Variants in COLEC10 observed in about 807,000 individuals in gnomAD.
COLEC10 encodes the protein collectin-10.
A neutral mutation model predicts 28.4 loss-of-function variants in COLEC10; 22 were observed. The observed-to-expected ratio is 0.78, with a 90% CI of 0.55 to 1.11. COLEC10 has a LOEUF of 1.11. Ranked by LOEUF, COLEC10 falls within the 50% of genes least tolerant of loss-of-function variation. COLEC10 has a pLI of 0.00. For missense variants in COLEC10, 361 were observed against 344.1 expected (o/e 1.05, Z -0.39); for synonymous variants, 125 against 116.1 (o/e 1.08, Z -0.49).
chr8:118,985,282 G>A, the COLEC10 span, among the ~76,000 whole-genome samples: 1 of 151,986 alleles, frequency 6.6e-6, no homozygotes. Flanking sequence ...AAGAATTCAG[G>A]TCCTCCTTAA....
chr8:118,973,694 A>G, the COLEC10 span, among the ~76,000 whole-genome samples: 1 of 151,980 alleles, frequency 6.6e-6, no homozygotes, highest in African/African-American at 2.4e-5. Flanking sequence ...AAGGCATTAA[A>G]CAAGAGCATG....
chr8:119,050,793 G>A (rs1441387770), intron 2 of COLEC10, among the ~76,000 whole-genome samples: 1 of 152,192 alleles, frequency 6.6e-6, no homozygotes, highest in African/African-American at 2.4e-5. Flanking sequence ...TTTATAGAAT[G>A]GGCCTGAGGA....
chr8:119,106,027 G>C lies in COLEC10; in HGVS notation c.670G>C (p.Asp224His). The stretch of plus-strand genomic sequence containing the variant: ...AAGGGAGGGACAGTACATGTTCACA[G>C]ACAACACTCCACTGCAGAACTATAG... ...LEREGQYMFTDNTPLQNYSNW... is the reference protein window; with the variant it reads ...LEREGQYMFTHNTPLQNYSNW... The change falls in exon 6 of 6, where the codon GAC becomes CAC. Residue 224 changes from aspartate to histidine, a missense_variant. This residue lies in a region of COLEC10 where 335 missense variants were observed against 308.5 expected (regional missense o/e 1.09). Coordinates refer to ENST00000332843, the MANE Select transcript of COLEC10 (RefSeq NM_006438.5). 2 of 1,613,866 alleles carry C rather than the reference G, an allele frequency of 1.2e-6. No individual in the cohort carries two copies. Among genetic ancestry groups the C allele is most frequent in the Non-Finnish European group, 1.7e-6 (2 of 1,179,888 alleles).
At chr8:119,036,379 A>G (rs1814389576) in intron 2 of COLEC10, among the ~76,000 whole-genome samples, 1 of 152,216 alleles carries the variant, frequency 6.6e-6, no homozygotes, top group Admixed American at 6.5e-5. Flanking sequence ...TCAGTTGTTT[A>G]GATGTGCCAT....
chr8:119,040,423 G>T (rs12056401), intron 2 of COLEC10, among the ~76,000 whole-genome samples: 9,275 of 152,142 alleles, frequency 0.061, 346 homozygotes, highest in East Asian at 0.16. Context: ...AAATTGAACT[G>T]TATTCTAAAC....
At chr8:119,079,913 A>C (rs1815336816) in intron 1 of COLEC10, among the ~76,000 whole-genome samples, 2 of 152,104 alleles carry the variant, frequency 1.3e-5, no homozygotes, top group African/African-American at 4.8e-5. Context: ...AGCACCCCAT[A>C]AATGTTAGTG....
chr8:119,048,446 C>T lies in COLEC10; in HGVS notation n.235+38893C>T, dbSNP rs559109995. ...TCTAACATTGTCAGTGGGACATTGA[C>T]GCCTCCCACTGTTATTGTGTGGTTG... On this transcript the variant is annotated intron_variant and non_coding_transcript_variant, in intron 2 of 6. Transcript: ENST00000521788. Among the ~76,000 whole-genome samples the T allele has an allele frequency of 6.6e-5, 10 of 152,244 alleles. No individual in the cohort carries two copies. The East Asian group carries it at 7.7e-4, about 12-fold the overall frequency.
chr8:119,006,526 A>G (rs1813800956), intron 1 of COLEC10, among the ~76,000 whole-genome samples: 2 of 152,096 alleles, frequency 1.3e-5, no homozygotes, highest in Admixed American at 6.6e-5. Context: ...TTACCAAAAT[A>G]CTTACAGCAC....
intron 1 of COLEC10, among the ~76,000 whole-genome samples, chr8:119,001,873 G>A (rs988266515): frequency 6.6e-6 from 1 of 152,110 alleles, no homozygotes; most frequent in African/African-American, 2.4e-5. Context: ...TAGTCTTAAA[G>A]TTTATGATTT....
rs553595213 is a variant in COLEC10 at position 119,014,749 on chromosome 8, G to A, written n.235+5196G>A. On this transcript the variant is annotated intron_variant and non_coding_transcript_variant, in intron 2 of 6. Coordinates refer to the COLEC10 transcript ENST00000521788. ...TTCTTGTATATTCTGCTCTGTTTTT[G>A]TTTGCTTCTTTTTTGCTTTTATTCT... Among the ~76,000 whole-genome samples, 25 of 150,812 alleles carry A rather than the reference G, an allele frequency of 1.7e-4. No individual in the cohort carries two copies. In the South Asian group the frequency reaches 5.2e-3, roughly 31 times the overall value.
intron 1 of COLEC10, among the ~76,000 whole-genome samples, chr8:119,079,080 G>A (rs560461345): frequency 1.3e-5 from 2 of 151,252 alleles, no homozygotes; most frequent in African/African-American, 4.9e-5. Context: ...GACAGGGTAA[G>A]GTCTCATAAA....
At chr8:119,044,558 T>C (rs1173735518) in intron 2 of COLEC10, among the ~76,000 whole-genome samples, 1 of 151,924 alleles carries the variant, frequency 6.6e-6, no homozygotes, top group African/African-American at 2.4e-5. Context: ...GAAAAAAACA[T>C]AACTGGGCGG....
chr8:119,035,170 A>G (rs1340065590), intron 2 of COLEC10, among the ~76,000 whole-genome samples: 1 of 152,254 alleles, frequency 6.6e-6, no homozygotes, highest in Non-Finnish European at 1.5e-5. Flanking sequence ...ATGTTTGTGC[A>G]CTAAAAGTTT....
chr8:119,051,333 T>C (rs1814669648), intron 2 of COLEC10, among the ~76,000 whole-genome samples: 1 of 152,222 alleles, frequency 6.6e-6, no homozygotes, highest in Non-Finnish European at 1.5e-5. Context: ...AAAATCTAAA[T>C]TCAAGTCCCT....
At chr8:119,066,789 T>C (rs932554681), upstream of COLEC10, among the ~76,000 whole-genome samples, 4 of 152,194 alleles carry the variant, frequency 2.6e-5, no homozygotes, top group Non-Finnish European at 5.9e-5. Context: ...AAGAAGGTCA[T>C]GGAGGGCATT....
upstream of COLEC10, among the ~76,000 whole-genome samples, chr8:119,063,464 T>C (rs1369039561): frequency 3.9e-5 from 6 of 152,248 alleles, no homozygotes; most frequent in Non-Finnish European, 8.8e-5. Flanking sequence ...GCCCATTCTT[T>C]AGTTTCTTGT....
Position 119,012,380 on chromosome 8 carries a change from T to A in COLEC10, n.235+2827T>A, listed in dbSNP as rs540527784. 3.1e-4 allele frequency among the ~76,000 whole-genome samples: 47 copies of A among 150,948 alleles called. 4 individuals are homozygous for A. The highest frequency in any genetic ancestry group is 1.1e-3 in the African/African-American group (46 of 40,514). On this transcript the variant is annotated intron_variant and non_coding_transcript_variant, in intron 2 of 6. Transcript: ENST00000521788. Reference sequence around the variant, plus strand: ...TTGGATCCAGCTTGTTAATATTTTATTGAAGATTTTTGCATATATGTTCAT... The same window carrying A: ...TTGGATCCAGCTTGTTAATATTTTAATGAAGATTTTTGCATATATGTTCAT...
chr8:119,011,574 G>T (rs2130085958), intron 2 of COLEC10, among the ~76,000 whole-genome samples: 1 of 150,946 alleles, frequency 6.6e-6, no homozygotes, highest in African/African-American at 2.5e-5. Flanking sequence ...GAAGAGACTT[G>T]ACACTACTGA....
At chr8:119,084,699 T>G (rs1039395977) in intron 1 of COLEC10, among the ~76,000 whole-genome samples, 3 of 152,222 alleles carry the variant, frequency 2.0e-5, no homozygotes, top group African/African-American at 7.2e-5. Context: ...TCTTACCCTT[T>G]AAAAACACTT....
Sources: gnomAD v4.1 joint callset for allele counts (sites outside exome capture counted in the v4.1 genomes callset) on GRCh38, gnomAD v4.1.1 for gene constraint, gnomAD v4.1.1 regional missense constraint, MANE v1.5 for transcripts, NCBI Gene and HGNC (gene_info 2026-07-23, HGNC 2026-07-21) for gene names.